MORC3: variants seen among roughly 807,000 people sequenced by gnomAD.
MORC3 encodes MORC family CW-type zinc finger protein 3.
Under a neutral mutation model 109.1 loss-of-function variants are expected in MORC3, and 31 were observed. The observed-to-expected ratio is 0.28, with a 90% CI of 0.21 to 0.38. The LOEUF (loss-of-function observed/expected upper bound fraction) is 0.38. Among genes scored for constraint, MORC3 ranks in the 10% least tolerant of loss-of-function variants. The pLI is 1.00. For synonymous variants in MORC3, 395 were observed against 380.7 expected, an observed-to-expected ratio of 1.04 and a Z score of -0.44; for missense variants, 867 against 1,135.8, an observed-to-expected ratio of 0.76 and a Z score of 3.40.
chr21:36,354,392 C>T (rs552053022), intron 9 of MORC3, among the ~76,000 whole-genome samples: 357 of 148,214 alleles, frequency 2.4e-3, no homozygotes, highest in Non-Finnish European at 3.4e-3. Context: ...GCAACCTCCG[C>T]CTCCCAGGTT....
chr21:36,330,573 A>G (rs1382471115), intron 1 of MORC3, among the ~76,000 whole-genome samples: 9 of 152,180 alleles, frequency 5.9e-5, no homozygotes, highest in South Asian at 2.1e-4. Flanking sequence ...TGTTCTCAGG[A>G]CCACCTGAGG....
chr21:36,339,118 T>C, intron 5 of MORC3, 197 bp downstream of exon 5: 1 of 573,474 alleles, frequency 1.7e-6, no homozygotes, highest in Non-Finnish European at 2.7e-6. Context: ...TTTCATCTTG[T>C]TAAAAAAAAT....
intron 5 of MORC3, 82 bp from the exon 6 acceptor site, chr21:36,341,317 C>A: frequency 1.5e-6 from 2 of 1,332,834 alleles, no homozygotes; most frequent in African/African-American, 1.5e-5. Flanking sequence ...TATTTGCTTA[C>A]CTTTTTAATG....
chr21:36,372,999 T>C (rs1278832959), intron 16 of MORC3, among the ~76,000 whole-genome samples: 1 of 152,150 alleles, frequency 6.6e-6, no homozygotes, highest in African/African-American at 2.4e-5. Context: ...TGCAAAATTA[T>C]TAAAAATTGC....
intron 3 of MORC3, 36 bp from the exon 4 acceptor site, chr21:36,337,696 G>T (rs963394550): frequency 4.7e-6 from 6 of 1,283,028 alleles, no homozygotes; most frequent in Non-Finnish European, 6.4e-6. Flanking sequence ...TTTGATTATA[G>T]GTATTTATTT....
intron 13 of MORC3, 54 bp from the exon 14 acceptor site, chr21:36,364,036 TTGG>T: frequency 1.3e-6 from 2 of 1,529,654 alleles, no homozygotes; most frequent in Non-Finnish European, 1.8e-6. Context: ...ATCTTGTGTT[TTGG>T]GCATGTCACA....
intron 9 of MORC3, among the ~76,000 whole-genome samples, chr21:36,352,912 A>G (rs2085589668): frequency 6.6e-6 from 1 of 151,708 alleles, no homozygotes; most frequent in Non-Finnish European, 1.5e-5. Flanking sequence ...TTGAAGCTGC[A>G]GTGAGCTGTG....
At chr21:36,356,851 A>G in intron 10 of MORC3, 127 bp downstream of exon 10, 1 of 526,344 alleles carries the variant, frequency 1.9e-6, no homozygotes, top group Non-Finnish European at 3.4e-6. Context: ...TGCAACATGA[A>G]TTAGCGCACT....
intron 13 of MORC3, among the ~76,000 whole-genome samples, chr21:36,362,858 G>A (rs769452212): frequency 7.2e-5 from 11 of 152,096 alleles, no homozygotes; most frequent in Non-Finnish European, 1.5e-4. Context: ...CTGTTAGTTT[G>A]ATTGTTTAGT....
At chr21:36,360,108 A>G (rs376966720) in intron 11 of MORC3, 31 bp downstream of exon 11, 35 of 1,614,034 alleles carry the variant, frequency 2.2e-5, no homozygotes, top group Non-Finnish European at 2.6e-5. Flanking sequence ...CCCTTTTTGG[A>G]AAGACGGAAA....
In MORC3 at chr21:36,376,485, G is replaced by T. The variant is rs1407611089; in HGVS notation, c.*1189G>T. On this transcript the variant is annotated 3_prime_UTR_variant, in exon 17 of 17. Transcript: ENST00000400485. ...TGAATTTTTACTGTATAGTAATTCTGGAAAGAGCAAATAAATGAAGATTGT... is the reference window on the plus strand; with the variant it reads ...TGAATTTTTACTGTATAGTAATTCTTGAAAGAGCAAATAAATGAAGATTGT... 2.0e-5 allele frequency: 3 copies of T among 152,006 alleles called. No individual in the cohort carries two copies. The highest frequency in any genetic ancestry group is 4.4e-5 in the Non-Finnish European group (3 of 68,002). 9.4% of individuals were successfully genotyped at this position (152,006 alleles called of 1,614,324 possible).
intron 14 of MORC3, among the ~76,000 whole-genome samples, chr21:36,365,521 A>G (rs941286728): frequency 5.9e-5 from 9 of 152,212 alleles, no homozygotes; most frequent in African/African-American, 2.2e-4. Flanking sequence ...GATTATAAAT[A>G]ACTAACTGCC....
chr21:36,350,973 T>C (rs1037682982), intron 9 of MORC3, among the ~76,000 whole-genome samples: 1 of 152,118 alleles, frequency 6.6e-6, no homozygotes, highest in Admixed American at 6.5e-5. Context: ...TTGCCTTATT[T>C]TGTGTTAGGA....
At chr21:36,368,893 G>A in intron 14 of MORC3, 95 bp from the exon 15 acceptor site, 1 of 1,229,648 alleles carries the variant, frequency 8.1e-7, no homozygotes, top group Non-Finnish European at 1.1e-6. Flanking sequence ...CAAAAAAACT[G>A]TTACAATACT....
chr21:36,374,977 G>A (rs1456105412), intron 16 of MORC3, among the ~76,000 whole-genome samples, 166 bp from the exon 17 acceptor site: 1 of 152,194 alleles, frequency 6.6e-6, no homozygotes, highest in Admixed American at 6.5e-5. Context: ...ACTCATAAAA[G>A]TGAATTATTA....
chr21:36,334,020 C>A (rs959871656), intron 2 of MORC3, among the ~76,000 whole-genome samples: 1 of 151,902 alleles, frequency 6.6e-6, no homozygotes, highest in African/African-American at 2.4e-5. Flanking sequence ...ATCTCCTGAC[C>A]TCGTGATCCG....
intron 12 of MORC3, chr21:36,360,556 A>G (rs763215945): frequency 7.3e-5 from 29 of 396,872 alleles, no homozygotes; most frequent in Non-Finnish European, 1.1e-4. Flanking sequence ...CTTATAGAGA[A>G]GGTGTAACAG....
intron 8 of MORC3, among the ~76,000 whole-genome samples, chr21:36,346,742 G>T (rs917059688): frequency 2.6e-5 from 4 of 152,122 alleles, no homozygotes; most frequent in Admixed American, 6.5e-5. Context: ...CCAAGAAGTT[G>T]AGGCTGTAGT....
intron 9 of MORC3, 49 bp from the exon 10 acceptor site, chr21:36,356,571 T>TTTATC (rs377246280): frequency 0.023 from 28,815 of 1,246,768 alleles, 460 homozygotes; most frequent in Admixed American, 0.064. Flanking sequence ...TTATTTATGA[T>TTTATC]TTATGTTTGA....
Sources: allele counts gnomAD v4.1 joint callset (sites outside exome capture counted in the v4.1 genomes callset), GRCh38; gene constraint gnomAD v4.1.1; transcripts MANE v1.5; gene names NCBI Gene and HGNC (gene_info 2026-07-23, HGNC 2026-07-21).